Variants in UNK observed in about 807,000 individuals in gnomAD.
The protein encoded by UNK is unk zinc finger, also known as RING finger protein unkempt homolog.
Under a neutral mutation model 97.6 loss-of-function variants are expected in UNK, and 32 were observed. The ratio of observed to expected loss-of-function variants is 0.33; its 90% confidence interval spans 0.25 to 0.44. The LOEUF (loss-of-function observed/expected upper bound fraction) is 0.44. UNK is among the 20% of genes least tolerant of loss of function. The pLI is 1.00. For synonymous variants in UNK, 441 were observed against 461.2 expected, an observed-to-expected ratio of 0.96 and a Z score of 0.56; for missense variants, 771 against 1,098.4, an observed-to-expected ratio of 0.70 and a Z score of 4.21.
At position 75,813,127 on chromosome 17, in the gene UNK, C is replaced by T; in HGVS notation, c.672C>T (p.Pro224=). Reference sequence around the variant, plus strand: ...ATAAGACGGAGCCTTGCAAGAAGCCCCCGCGGCTGTGCCGCCAAGGCTATG... The same window carrying T: ...ATAAGACGGAGCCTTGCAAGAAGCCTCCGCGGCTGTGCCGCCAAGGCTATG... ...GNYKTEPCKK[P]PRLCRQGYAC... The change falls in exon 5 of 16, where the codon CCC becomes CCT. Residue 224 remains proline, a synonymous_variant. Transcript: ENST00000589666. The T allele has an allele frequency of 1.3e-6, 2 of 1,587,446 alleles. No homozygotes were observed. The highest frequency in any genetic ancestry group is 2.3e-5 in the East Asian group (1 of 43,580).
chr17:75,799,044 C>A (rs905487703), intron 1 of UNK, among the ~76,000 whole-genome samples: 1 of 149,378 alleles, frequency 6.7e-6, no homozygotes. Flanking sequence ...CCAGTCTGGG[C>A]GATAGTGCGA....
chr17:75,814,260 G>C (rs1161710783), intron 6 of UNK, among the ~76,000 whole-genome samples: 2 of 151,874 alleles, frequency 1.3e-5, no homozygotes, highest in Non-Finnish European at 2.9e-5. Context: ...CCAGCACTCT[G>C]GGAGGCCGAG....
At chr17:75,787,785 A>G (rs1456125738) in intron 1 of UNK, among the ~76,000 whole-genome samples, 1 of 150,836 alleles carries the variant, frequency 6.6e-6, no homozygotes, top group Non-Finnish European at 1.5e-5. Flanking sequence ...AGATTGTGCC[A>G]CTGCACTCCA....
intron 13 of UNK, chr17:75,821,801 C>A (rs773864085): frequency 2.2e-6 from 1 of 446,182 alleles, no homozygotes; most frequent in South Asian, 1.6e-5. Context: ...ATCTGTTGAG[C>A]GAGTGAGCAG....
intron 1 of UNK, among the ~76,000 whole-genome samples, chr17:75,800,858 A>G (rs1157456708): frequency 6.6e-6 from 1 of 152,094 alleles, no homozygotes. Context: ...GAGACTGACT[A>G]TATGTGATGC....
chr17:75,817,021 C>G lies in UNK; in HGVS notation c.1104+109C>G. Reference sequence around the variant, plus strand: ...GGGAGACCATCCTGGTATTTGTCCTCAGGCCAGGGGGATCTGTCTTTTCCA... The same window carrying G: ...GGGAGACCATCCTGGTATTTGTCCTGAGGCCAGGGGGATCTGTCTTTTCCA... On this transcript the variant is annotated intron_variant, in intron 8 of 15. Coordinates refer to ENST00000589666, the MANE Select transcript of UNK (RefSeq NM_001080419.3). The surrounding 1 kb of genome is among the most constrained non-coding windows in gnomAD (Gnocchi z 5.8). The G allele has an allele frequency of 1.4e-6, 2 of 1,423,620 alleles. No homozygotes were observed. The highest frequency in any genetic ancestry group is 2.8e-5 in the South Asian group (2 of 71,970). The allele number at this position is 1,423,620 out of a possible 1,614,324, so 88.2% of individuals were successfully genotyped here. A position where few individuals can be genotyped will look rare whatever the true frequency, so the allele number is the denominator to read the frequency against.
intron 1 of UNK, among the ~76,000 whole-genome samples, chr17:75,809,318 C>G (rs2143767983): frequency 6.6e-6 from 1 of 152,314 alleles, no homozygotes. Flanking sequence ...GCCCACAGCC[C>G]CAGCTCATGG....
At chr17:75,800,029 C>A (rs1390734250) in intron 1 of UNK, among the ~76,000 whole-genome samples, 1 of 152,172 alleles carries the variant, frequency 6.6e-6, no homozygotes, top group Non-Finnish European at 1.5e-5. Flanking sequence ...CATGCCAAAT[C>A]CAGCCTGCTG....
At chr17:75,785,954 T>C (rs188562445) in intron 1 of UNK, 1 of 152,340 alleles carries the variant, frequency 6.6e-6, no homozygotes, top group East Asian at 1.9e-4. Flanking sequence ...TGAACAGCTC[T>C]TAAGTTGTTC....
rs2062042354 is a variant in UNK, at chr17:75,819,043, C to T, written c.1546+227C>T. ...CTTTGTGCAAATTAGAAAGAGGTGC[C>T]TTTTCCCCTTGGTGAGTACAGTCTC... On this transcript the variant is annotated intron_variant, in intron 11 of 15. Coordinates refer to ENST00000589666, the MANE Select transcript of UNK (RefSeq NM_001080419.3). This position sits in a 1 kb window ranked among gnomAD's most constrained non-coding sequence, Gnocchi z 5.4. 1 of 489,310 alleles carries T rather than the reference C, an allele frequency of 2.0e-6. No homozygotes were observed. The highest frequency in any genetic ancestry group is 3.5e-6 in the Non-Finnish European group (1 of 284,572). The allele number at this position is 489,310 out of a possible 1,614,324, so 30.3% of individuals were successfully genotyped here. A position where few individuals can be genotyped will look rare whatever the true frequency, so the allele number is the denominator to read the frequency against.
At chr17:75,792,059 C>T (rs771729943) in intron 1 of UNK, 90 of 985,294 alleles carry the variant, frequency 9.1e-5, no homozygotes, top group Non-Finnish European at 1.0e-4. Context: ...GCCATGAGCA[C>T]GCTTAGGTAA....
At chr17:75,802,003 A>C (rs924836436) in intron 1 of UNK, among the ~76,000 whole-genome samples, 3 of 151,762 alleles carry the variant, frequency 2.0e-5, no homozygotes, top group Non-Finnish European at 4.4e-5. Context: ...GTGAGCCACC[A>C]CGCCTGGGTA....
chr17:75,796,241 A>T (rs990025756), intron 1 of UNK, among the ~76,000 whole-genome samples: 6 of 152,040 alleles, frequency 3.9e-5, no homozygotes, highest in African/African-American at 1.5e-4. Flanking sequence ...GAATATTCTA[A>T]ATCAGGATCA....
At chr17:75,815,065 A>C in intron 6 of UNK, 104 bp from the exon 7 acceptor site, 1 of 1,004,348 alleles carries the variant, frequency 1.0e-6, no homozygotes, top group Non-Finnish European at 1.5e-6. Context: ...CCGGGAACAC[A>C]GGGCAAGAGA....
At chr17:75,798,872 C>T (rs980634950) in intron 1 of UNK, among the ~76,000 whole-genome samples, 4 of 151,902 alleles carry the variant, frequency 2.6e-5, no homozygotes, top group African/African-American at 9.7e-5. Flanking sequence ...CGAGACCATC[C>T]TGGCTAACAC....
Position 75,817,356 on chromosome 17 carries a change from C to T in UNK, c.1135C>T (p.Pro379Ser). ...CTGTAGAAACAGCAGCCTAGGCAGC[C>T]CGTCTAACCTCTGCGGCTCCCCACC... ...LLCRNSSLGSPSNLCGSPPGS... is the reference protein window; with the variant it reads ...LLCRNSSLGSSSNLCGSPPGS... The change falls in exon 9 of 16, where the codon CCG becomes TCG. Residue 379 changes from proline (P) to serine (S), a missense_variant. This residue lies in a region of UNK where 192 missense variants were observed against 202.4 expected (regional missense o/e 0.95). Coordinates refer to ENST00000589666, the MANE Select transcript of UNK (RefSeq NM_001080419.3). This position sits in a 1 kb window ranked among gnomAD's most constrained non-coding sequence, Gnocchi z 5.8. 1 of 1,598,562 alleles carries T rather than the reference C, an allele frequency of 6.3e-7. No individual in the cohort carries two copies. The highest frequency in any genetic ancestry group is 8.5e-7 in the Non-Finnish European group (1 of 1,170,706).
At chr17:75,800,762 C>T (rs1456735492) in intron 1 of UNK, among the ~76,000 whole-genome samples, 4 of 151,694 alleles carry the variant, frequency 2.6e-5, no homozygotes, top group South Asian at 2.1e-4. Flanking sequence ...AATAAAATAA[C>T]GCTTCCTTTG....
chr17:75,806,569 C>T (rs935699505), intron 1 of UNK, among the ~76,000 whole-genome samples: 5 of 151,852 alleles, frequency 3.3e-5, no homozygotes, highest in Admixed American at 2.0e-4. Context: ...GTCAGGAGTT[C>T]GAGACCAGCC....
chr17:75,788,405 C>G (rs2061732971), intron 1 of UNK, among the ~76,000 whole-genome samples: 1 of 152,188 alleles, frequency 6.6e-6, no homozygotes. Context: ...ATCTCGAACT[C>G]CTAACCTCGT....
Sources: allele counts gnomAD v4.1 joint callset (sites outside exome capture counted in the v4.1 genomes callset), GRCh38; gene constraint gnomAD v4.1.1; regional missense constraint gnomAD v4.1.1; non-coding constraint Gnocchi (gnomAD v3.1); transcripts MANE v1.5; gene names NCBI Gene and HGNC (gene_info 2026-07-23, HGNC 2026-07-21).